The following MARF1 variants were observed in gnomAD, a reference collection of about 807,000 sequenced individuals.
The protein encoded by MARF1 is meiosis regulator and mRNA stability factor 1, also known as limkain-b1.
In MARF1, 24 loss-of-function variants were observed where a neutral mutation model predicts 168.2. That is an observed-to-expected ratio of 0.14 (90% CI 0.10 to 0.20). The LOEUF is 0.20. Ranked by LOEUF, MARF1 falls within the 10% of genes least tolerant of loss-of-function variation. MARF1 has a pLI of 1.00. For missense variants in MARF1, 1,744 were observed against 2,143.6 expected (o/e 0.81, Z 3.68); for synonymous variants, 868 against 822.4 (o/e 1.06, Z -0.95).
chr16:15,621,547 TTTGA>T, intron 12 of MARF1, 182 bp downstream of exon 12: 1 of 615,730 alleles, frequency 1.6e-6, no homozygotes, highest in Non-Finnish European at 2.7e-6. Flanking sequence ...GTATTCCAGC[TTTGA>T]TTAATGACTT....
At chr16:15,608,259 GGAA>G in intron 21 of MARF1, 29 bp downstream of exon 21, 1 of 1,212,454 alleles carries the variant, frequency 8.2e-7, no homozygotes, top group African/African-American at 1.7e-5. Context: ...ATCCCATGAG[GGAA>G]AAAAAAAAAA....
At chr16:15,610,079 T>C (rs2033384665) in intron 19 of MARF1, among the ~76,000 whole-genome samples, 1 of 152,234 alleles carries the variant, frequency 6.6e-6, no homozygotes, top group Non-Finnish European at 1.5e-5. Context: ...GCAAGTACTC[T>C]AGAAATTATT....
At chr16:15,627,456 T>TA (rs2034948175) in intron 7 of MARF1, among the ~76,000 whole-genome samples, 1 of 151,742 alleles carries the variant, frequency 6.6e-6, no homozygotes, top group South Asian at 2.1e-4. Context: ...CCCTCTCTAC[T>TA]AAAAATACAA....
At chr16:15,620,416 A>T in intron 13 of MARF1, 35 bp downstream of exon 13, 1 of 1,376,908 alleles carries the variant, frequency 7.3e-7, no homozygotes, top group Non-Finnish European at 1.0e-6. Context: ...ACCAATCAGT[A>T]CTGACTGGAT....
chr16:15,612,888 A>G (rs2033694011), intron 16 of MARF1, 111 bp from the exon 17 acceptor site: 1 of 813,734 alleles, frequency 1.2e-6, no homozygotes, highest in African/African-American at 1.7e-5. Flanking sequence ...GAAGCAAACA[A>G]AACCAAATAC....
At chr16:15,616,925 G>A (rs1236507728) in intron 15 of MARF1, 127 bp downstream of exon 15, 1 of 1,347,626 alleles carries the variant, frequency 7.4e-7, no homozygotes, top group African/African-American at 1.5e-5. Flanking sequence ...TTTGACTGAA[G>A]GCTAAACACA....
chr16:15,626,348 T>C (rs1289168981), intron 7 of MARF1, among the ~76,000 whole-genome samples: 4 of 152,196 alleles, frequency 2.6e-5, no homozygotes, highest in African/African-American at 9.7e-5. Context: ...TATTGTACAC[T>C]TAAAAGAGCT....
chr16:15,636,034 C>T lies in MARF1; in HGVS notation c.453G>A (p.Gly151=). The change falls in exon 3 of 27, where the codon GGG becomes GGA. Residue 151 remains glycine, a synonymous_variant. Transcript: ENST00000396368. ...TRTITCQVGS[G]FAFQSASSLQ... ...GTGAAGATGCAGACTGGAAAGCAAA[C>T]CCTGACCCTACCTGACACGTGATTG... 1.2e-6 allele frequency: 2 copies of T among 1,614,210 alleles called. No homozygotes were observed. The highest frequency in any genetic ancestry group is 1.7e-6 in the Non-Finnish European group (2 of 1,180,036).
In MARF1 at chr16:15,612,772, A is replaced by G; in HGVS notation, c.3259T>C (p.Trp1087Arg). Residue 1087 changes from tryptophan to arginine, a missense_variant, in exon 17 of 27, where the codon TGG becomes CGG. Coordinates refer to ENST00000396368, the MANE Select transcript of MARF1 (RefSeq NM_014647.4). Reference sequence around the variant, plus strand: ...ACAGGACTCTTCGAACGCAGAAGCCAAGGGTCTAGAAGAAAAAGAACGTGT... The same window carrying G: ...ACAGGACTCTTCGAACGCAGAAGCCGAGGGTCTAGAAGAAAAAGAACGTGT... ...NKPPPPNTDP[W>R]LLRSKSPVGN... is the part of the protein sequence containing the mutation. 3 of 1,613,700 alleles carry G rather than the reference A, an allele frequency of 1.9e-6. No individual in the cohort carries two copies. Among genetic ancestry groups the G allele is most frequent in the East Asian group, 4.5e-5 (2 of 44,880 alleles).
At chr16:15,617,574 T>C (rs567725171) in intron 13 of MARF1, 39 bp from the exon 14 acceptor site, 1 of 1,394,446 alleles carries the variant, frequency 7.2e-7, no homozygotes, top group Non-Finnish European at 1.0e-6. Flanking sequence ...TTAGAAGGTT[T>C]TTCTTTGATT....
At chr16:15,623,158 A>G in intron 10 of MARF1, 35 bp from the exon 11 acceptor site, 1 of 1,489,496 alleles carries the variant, frequency 6.7e-7, no homozygotes, top group Non-Finnish European at 9.1e-7. Flanking sequence ...TTATTTTAAA[A>G]AACTGTTCTG....
intron 8 of MARF1, 27 bp downstream of exon 8, chr16:15,625,345 T>G (rs761616891): frequency 1.9e-5 from 30 of 1,575,506 alleles, no homozygotes; most frequent in Non-Finnish European, 2.6e-5. Context: ...ACCATAAACT[T>G]CAGAAAGCAA....
intron 1 of MARF1, among the ~76,000 whole-genome samples, chr16:15,639,798 A>G (rs1415610550): frequency 1.3e-5 from 2 of 152,244 alleles, no homozygotes; most frequent in African/African-American, 2.4e-5. Context: ...AAAATTTGGT[A>G]AACTTGGTTG....
intron 2 of MARF1, among the ~76,000 whole-genome samples, chr16:15,638,485 C>T (rs533907387): frequency 1.9e-4 from 29 of 151,946 alleles, no homozygotes; most frequent in Non-Finnish European, 3.5e-4. Flanking sequence ...ACTGAGGAGG[C>T]TGAGGCAGGA....
In MARF1 at chr16:15,620,531, A is replaced by G; in HGVS notation, c.2640T>C (p.Ser880=). Reference sequence around the variant, plus strand: ...CCTGAAGAACAGACATTGTTTCTGCACTGTAAAACAGAAGTTTGATTAGGG... The same window carrying G: ...CCTGAAGAACAGACATTGTTTCTGCGCTGTAAAACAGAAGTTTGATTAGGG... ...GAASKSLSLL[S]AETMSVLQDA... is the part of the protein sequence containing the mutation. The change falls in exon 13 of 27, where the codon AGT becomes AGC. Residue 880 remains serine, a splice_region_variant and synonymous_variant. Transcript: ENST00000396368. 2 of 1,607,254 alleles carry G rather than the reference A, an allele frequency of 1.2e-6. No homozygotes were observed. Among genetic ancestry groups the G allele is most frequent in the South Asian group, 1.1e-5 (1 of 90,150 alleles).
chr16:15,611,866 C>T lies in MARF1; in HGVS notation c.3475-132G>A, dbSNP rs2033589085. On this transcript the variant is annotated intron_variant, in intron 17 of 26. Transcript: ENST00000396368. ...TGTAGAATGTGTGCAATTTGAAACA[C>T]ATGTCGATCAACAAAATGTAGTTGG... The T allele has an allele frequency of 3.2e-5, 21 of 654,024 alleles. 1 individual carries two copies. The South Asian group carries it at 5.4e-4, about 17-fold the overall frequency. The allele number at this position is 654,024 out of a possible 1,614,324, so 40.5% of individuals were successfully genotyped here.
chr16:15,598,310 G>C (rs539373656), intron 26 of MARF1, among the ~76,000 whole-genome samples: 1 of 152,192 alleles, frequency 6.6e-6, no homozygotes, highest in Non-Finnish European at 1.5e-5. Context: ...CGTGGTAAGA[G>C]TTAAATGTGA....
At chr16:15,597,421 G>A (rs1419824873) in intron 26 of MARF1, among the ~76,000 whole-genome samples, 2 of 152,198 alleles carry the variant, frequency 1.3e-5, no homozygotes, top group Non-Finnish European at 2.9e-5. Context: ...CGGGGATAAG[G>A]AAGGACTACG....
intron 6 of MARF1, 26 bp downstream of exon 6, chr16:15,631,355 A>C: frequency 6.7e-7 from 1 of 1,483,314 alleles, no homozygotes; most frequent in South Asian, 1.1e-5. Context: ...AGTTTAGCTG[A>C]AATTAGCAGA....
Sources: gnomAD v4.1 joint callset for allele counts (sites outside exome capture counted in the v4.1 genomes callset) on GRCh38, gnomAD v4.1.1 for gene constraint, MANE v1.5 for transcripts, NCBI Gene and HGNC (gene_info 2026-07-23, HGNC 2026-07-21) for gene names.